Variants in CAMKMT observed in about 807,000 individuals in gnomAD.
The protein encoded by CAMKMT is calmodulin-lysine N-methyltransferase, also known as CaM KMT.
A neutral mutation model predicts 48.0 loss-of-function variants in CAMKMT; 53 were observed. The ratio of observed to expected loss-of-function variants is 1.10; its 90% CI spans 0.89 to 1.39. CAMKMT has a LOEUF of 1.39. Ranked by LOEUF, CAMKMT falls within the 40% of genes most tolerant of loss-of-function variation. The probability of loss-of-function intolerance (pLI) is 0.00; values close to 1 mark genes in which losing one functional copy is unlikely to be tolerated. For synonymous variants in CAMKMT, 165 were observed against 152.3 expected (o/e 1.08, Z -0.61); for missense variants, 428 against 402.7 (o/e 1.06, Z -0.54).
In CAMKMT at chr2:44,657,059, A is replaced by G. The variant is rs1203616106; in HGVS notation, c.377-47224A>G. ...ACTGGGTCACATTAATGTGTTTAACAGGTTGTTTCAGATATCCTTCAGATA... is the reference window on the plus strand; with the variant it reads ...ACTGGGTCACATTAATGTGTTTAACGGGTTGTTTCAGATATCCTTCAGATA... On this transcript the variant is annotated intron_variant, in intron 3 of 10. Coordinates refer to ENST00000378494, the MANE Select transcript of CAMKMT (RefSeq NM_024766.5). This position sits in a 1 kb window ranked among gnomAD's most constrained non-coding sequence, Gnocchi z 4.3. Among the ~76,000 whole-genome samples the G allele has an allele frequency of 2.6e-5, 4 of 152,190 alleles. No homozygotes were observed. Among genetic ancestry groups the G allele is most frequent in the African/African-American group, 4.8e-5 (2 of 41,448 alleles).
At chr2:44,682,631 T>G (rs1247311961) in intron 3 of CAMKMT, among the ~76,000 whole-genome samples, 2 of 152,186 alleles carry the variant, frequency 1.3e-5, no homozygotes, top group East Asian at 3.8e-4. Context: ...CCCCCTATCT[T>G]GGCATTTGGC....
rs1324449076 is a variant in CAMKMT, at chr2:44,629,566, G to C, written c.377-74717G>C. Among the ~76,000 whole-genome samples, 5 of 151,354 alleles carry C rather than the reference G, an allele frequency of 3.3e-5. No individual in the cohort carries two copies. In the South Asian group the frequency reaches 1.0e-3, roughly 32 times the overall value. ...CAATCCTCCCACCTTGACCTCCCAG[G>C]TAGCGGGGACTACAGGTGCACACCA... is the stretch of plus-strand genomic sequence containing the variant. On this transcript the variant is annotated intron_variant, in intron 3 of 10. Transcript: ENST00000378494.
At position 44,475,842 on chromosome 2, in the gene CAMKMT, C is replaced by T. The variant is rs140072508; in HGVS notation, c.376+85537C>T. Among the ~76,000 whole-genome samples, 572 of 152,248 alleles carry T rather than the reference C, an allele frequency of 3.8e-3. 1 individual carries two copies. Among genetic ancestry groups the T allele is most frequent in the African/African-American group, 0.013 (541 of 41,560 alleles). On this transcript the variant is annotated intron_variant, in intron 3 of 10. Transcript: ENST00000378494. ...CAGGACCCTTCAAATCAAAATGTATCGTTTAGGAATATTCTGAAGGGGAAA... is the reference window on the plus strand; with the variant it reads ...CAGGACCCTTCAAATCAAAATGTATTGTTTAGGAATATTCTGAAGGGGAAA...
intron 3 of CAMKMT, among the ~76,000 whole-genome samples, chr2:44,668,775 C>A (rs1675156286): frequency 6.6e-6 from 1 of 151,708 alleles, no homozygotes; most frequent in Non-Finnish European, 1.5e-5. Context: ...ACTTGCTTTT[C>A]TTTTTTCTTT....
intron 3 of CAMKMT, among the ~76,000 whole-genome samples, chr2:44,646,837 G>C (rs1255573684): frequency 6.6e-6 from 1 of 152,164 alleles, no homozygotes; most frequent in Non-Finnish European, 1.5e-5. Flanking sequence ...TTTTTAAAGA[G>C]CTGCATGTTG....
intron 3 of CAMKMT, among the ~76,000 whole-genome samples, chr2:44,534,765 T>C (rs1226701025): frequency 6.6e-6 from 1 of 151,852 alleles, no homozygotes; most frequent in Non-Finnish European, 1.5e-5. Flanking sequence ...AATGCCTACA[T>C]CAAAAAAGTA....
chr2:44,596,963 T>C (rs1252923519), intron 3 of CAMKMT, among the ~76,000 whole-genome samples: 1 of 152,254 alleles, frequency 6.6e-6, no homozygotes, highest in African/African-American at 2.4e-5. Flanking sequence ...AAATGAGTTA[T>C]TCCATGTTAC....
At chr2:44,574,841 A>G (rs1453487700) in intron 3 of CAMKMT, among the ~76,000 whole-genome samples, 1 of 151,862 alleles carries the variant, frequency 6.6e-6, no homozygotes, top group East Asian at 1.9e-4. Flanking sequence ...CCCAGGTTCA[A>G]GCAATTCTCC....
chr2:44,505,671 G>C (rs1351677845), intron 3 of CAMKMT, among the ~76,000 whole-genome samples: 1 of 152,030 alleles, frequency 6.6e-6, no homozygotes, highest in Non-Finnish European at 1.5e-5. Flanking sequence ...ATAGGCTGAG[G>C]TGAAGGAGGC....
chr2:44,566,093 A>G (rs1668600300), intron 3 of CAMKMT, among the ~76,000 whole-genome samples: 1 of 152,250 alleles, frequency 6.6e-6, no homozygotes, highest in African/African-American at 2.4e-5. Context: ...AACCAAGTAT[A>G]GTATTATGAT....
At chr2:44,596,809 A>T (rs1326506708) in intron 3 of CAMKMT, among the ~76,000 whole-genome samples, 1 of 152,210 alleles carries the variant, frequency 6.6e-6, no homozygotes, top group Non-Finnish European at 1.5e-5. Context: ...ACTACTGGTT[A>T]TAAAAATTCT....
rs79449386 is a variant in CAMKMT at position 44,441,149 on chromosome 2, C to G, written c.376+50844C>G. Among the ~76,000 whole-genome samples the G allele has an allele frequency of 7.8e-3, 1,195 of 152,230 alleles. 14 individuals are homozygous for G. The highest frequency in any genetic ancestry group is 0.027 in the African/African-American group (1,133 of 41,542). Reference sequence around the variant, plus strand: ...TTGGTGTCTGTTAAATATCAAAACACTTTTCCTGTGACTCAATATATGTTT... The same window carrying G: ...TTGGTGTCTGTTAAATATCAAAACAGTTTTCCTGTGACTCAATATATGTTT... On this transcript the variant is annotated intron_variant, in intron 3 of 10. Coordinates refer to ENST00000378494, the MANE Select transcript of CAMKMT (RefSeq NM_024766.5).
chr2:44,703,722 GA>G (rs982471969), intron 3 of CAMKMT, among the ~76,000 whole-genome samples: 1 of 146,240 alleles, frequency 6.8e-6, no homozygotes, highest in African/African-American at 2.5e-5. Context: ...ACTTTACAGT[GA>G]GCTGAGATCT....
In CAMKMT at chr2:44,592,074, G is replaced by C. The variant is rs1345622677; in HGVS notation, c.377-112209G>C. On this transcript the variant is annotated intron_variant, in intron 3 of 10. Transcript: ENST00000378494. ...TCTGGGGACTGTTGTGGGGTGGGGG[G>C]AAGGGGGAGGGATAGCATTAGGAGA... Among the ~76,000 whole-genome samples, 8 of 139,940 alleles carry C rather than the reference G, an allele frequency of 5.7e-5. No homozygotes were observed. The East Asian group carries it at 1.5e-3, about 26-fold the overall frequency. 91.8% of individuals were successfully genotyped at this position (139,940 alleles called of 152,430 possible).
chr2:44,416,389 G>A (rs1326434171), intron 3 of CAMKMT, among the ~76,000 whole-genome samples: 1 of 151,836 alleles, frequency 6.6e-6, no homozygotes, highest in Non-Finnish European at 1.5e-5. Context: ...GTAACCTATG[G>A]AACATTTCTA....
Position 44,583,858 on chromosome 2 carries a change from G to A in CAMKMT, c.377-120425G>A, listed in dbSNP as rs186947348. ...AGACAAAAAATAAAATGCACACATTGCAAGTGTACATTTCAATGAATTTAG... is the reference window on the plus strand; with the variant it reads ...AGACAAAAAATAAAATGCACACATTACAAGTGTACATTTCAATGAATTTAG... On this transcript the variant is annotated intron_variant, in intron 3 of 10. Coordinates refer to ENST00000378494, the MANE Select transcript of CAMKMT (RefSeq NM_024766.5). 8.7e-4 allele frequency among the ~76,000 whole-genome samples: 132 copies of A among 152,262 alleles called. 1 individual carries two copies. Among genetic ancestry groups the A allele is most frequent in the African/African-American group, 3.0e-3 (124 of 41,552 alleles).
intron 3 of CAMKMT, among the ~76,000 whole-genome samples, chr2:44,637,470 T>C (rs796822186): frequency 8.5e-5 from 13 of 152,366 alleles, no homozygotes; most frequent in African/African-American, 3.1e-4. Flanking sequence ...TTTAAATAAA[T>C]TAATCAGTCT....
intron 3 of CAMKMT, among the ~76,000 whole-genome samples, chr2:44,403,334 C>T (rs1682559344): frequency 6.6e-6 from 1 of 152,174 alleles, no homozygotes; most frequent in South Asian, 2.1e-4. Context: ...CCACCACCCT[C>T]CTTGAGCTGC....
At chr2:44,614,448 G>T (rs547054091) in intron 3 of CAMKMT, among the ~76,000 whole-genome samples, 2 of 152,172 alleles carry the variant, frequency 1.3e-5, no homozygotes, top group Non-Finnish European at 2.9e-5. Context: ...GAATGTGCCT[G>T]TTTTCCAGGC....
Sources: gnomAD v4.1 joint callset for allele counts (sites outside exome capture counted in the v4.1 genomes callset) on GRCh38, gnomAD v4.1.1 for gene constraint, Gnocchi (gnomAD v3.1) non-coding constraint, MANE v1.5 for transcripts, NCBI Gene and HGNC (gene_info 2026-07-23, HGNC 2026-07-21) for gene names.